Variants in ZNF124 observed in about 807,000 individuals in gnomAD.
ZNF124 encodes zinc finger protein 124.
A neutral mutation model predicts 26.6 loss-of-function variants in ZNF124; 25 were observed. That is an observed-to-expected ratio of 0.94 (90% CI 0.68 to 1.31). The LOEUF is 1.31. ZNF124 is among the 40% of genes most tolerant of loss of function. The pLI is 0.00. For synonymous variants in ZNF124, 129 were observed against 133.3 expected, an observed-to-expected ratio of 0.97 and a Z score of 0.22; for missense variants, 444 against 422.2, an observed-to-expected ratio of 1.05 and a Z score of -0.45.
downstream of ZNF124, among the ~76,000 whole-genome samples, chr1:247,150,951 G>C (rs1195214172): frequency 6.6e-6 from 1 of 151,974 alleles, no homozygotes; most frequent in African/African-American, 2.4e-5. Flanking sequence ...GACTGAGTGA[G>C]AGAGATACCA....
rs1673201586 is a variant in ZNF124 at position 247,157,222 on chromosome 1, GAAT to G, written c.397_399del (p.Ile133del). The G allele has an allele frequency of 1.2e-6, 2 of 1,613,944 alleles. No homozygotes were observed. On this transcript the variant is annotated inframe_deletion, in exon 4 of 4. Transcript: ENST00000543802. ...CTCTGATGTATCTGAAATGAACTGGGAATATTAAAAACTTTCTCACATATTGTA... is the reference window on the plus strand; with the variant it reads ...CTCTGATGTATCTGAAATGAACTGGGATTAAAAACTTTCTCACATATTGTA...
At chr1:247,158,942 A>T in intron 3 of ZNF124, 64 bp downstream of exon 3, 1 of 1,487,298 alleles carries the variant, frequency 6.7e-7, no homozygotes. Flanking sequence ...TTTGCTTTAA[A>T]CATATGATTA....
chr1:247,152,821 A>C (rs1241692891), downstream of ZNF124, among the ~76,000 whole-genome samples: 1 of 152,228 alleles, frequency 6.6e-6, no homozygotes, highest in Non-Finnish European at 1.5e-5. Context: ...ACATATGAGC[A>C]CTGAACAAAC....
chr1:247,164,614 CAG>C (rs1333234445), intron 1 of ZNF124, among the ~76,000 whole-genome samples: 2 of 151,078 alleles, frequency 1.3e-5, no homozygotes, highest in South Asian at 2.1e-4. Context: ...ACAAAACAAA[CAG>C]AGATGATACA....
At chr1:247,161,478 G>T (rs914863271) in intron 1 of ZNF124, among the ~76,000 whole-genome samples, 8 of 151,962 alleles carry the variant, frequency 5.3e-5, no homozygotes, top group African/African-American at 1.7e-4. Flanking sequence ...TCACAGACAA[G>T]GTTTTTTTTG....
intron 1 of ZNF124, among the ~76,000 whole-genome samples, chr1:247,166,843 T>TA (rs1673806551): frequency 6.6e-6 from 1 of 152,204 alleles, no homozygotes; most frequent in South Asian, 2.1e-4. Flanking sequence ...AATCCTCACT[T>TA]AAATACCAAC....
At chr1:247,160,819 A>G (rs755234854) in intron 1 of ZNF124, among the ~76,000 whole-genome samples, 53 of 152,240 alleles carry the variant, frequency 3.5e-4, no homozygotes, top group Non-Finnish European at 7.5e-4. Context: ...GGTTACACAA[A>G]GAGAAAATGT....
intron 1 of ZNF124, among the ~76,000 whole-genome samples, chr1:247,164,163 C>T (rs1673650567): frequency 6.6e-6 from 1 of 152,186 alleles, no homozygotes; most frequent in Non-Finnish European, 1.5e-5. Flanking sequence ...TAAGAGCTAT[C>T]TATGAAAAAC....
intron 1 of ZNF124, among the ~76,000 whole-genome samples, chr1:247,170,335 T>A (rs1674030461): frequency 6.6e-6 from 1 of 150,768 alleles, no homozygotes; most frequent in South Asian, 2.1e-4. Flanking sequence ...ATTAATAATG[T>A]TGTAAATTGG....
chr1:247,151,962 T>C (rs1159251730), downstream of ZNF124, among the ~76,000 whole-genome samples: 3 of 151,916 alleles, frequency 2.0e-5, no homozygotes, highest in Non-Finnish European at 4.4e-5. Context: ...CTGTTAGAGA[T>C]CAATATAGTG....
chr1:247,161,325 G>A (rs1268760486), intron 1 of ZNF124, among the ~76,000 whole-genome samples: 2 of 152,138 alleles, frequency 1.3e-5, no homozygotes, highest in East Asian at 3.8e-4. Context: ...AGTGAAGGAA[G>A]TATCAAGCAC....
intron 1 of ZNF124, among the ~76,000 whole-genome samples, chr1:247,169,562 C>G (rs114008328): frequency 0.017 from 2,560 of 151,608 alleles, 68 homozygotes; most frequent in African/African-American, 0.052. Context: ...CCATCCTGCT[C>G]AGGGAAGTAC....
chr1:247,150,473 A>G (rs563079001), downstream of ZNF124, among the ~76,000 whole-genome samples: 3 of 152,336 alleles, frequency 2.0e-5, no homozygotes, highest in African/African-American at 7.2e-5. Context: ...ATGAAAAAGA[A>G]TTCATTATAT....
chr1:247,159,197 G>A (rs1047404143), intron 2 of ZNF124, 131 bp from the exon 3 acceptor site: 26 of 753,506 alleles, frequency 3.5e-5, no homozygotes, highest in Non-Finnish European at 3.7e-5. Flanking sequence ...CATCAATATG[G>A]CAACATTGTT....
chr1:247,131,480 G>C (rs1313800730), intron 3 of ZNF124, among the ~76,000 whole-genome samples: 2 of 152,320 alleles, frequency 1.3e-5, no homozygotes, highest in African/African-American at 4.8e-5. Context: ...AGCCATTTGA[G>C]TTCCTTGGGG....
intron 3 of ZNF124, among the ~76,000 whole-genome samples, chr1:247,136,136 C>T (rs1672478479): frequency 6.6e-6 from 1 of 152,088 alleles, no homozygotes. Flanking sequence ...GATGACCTCT[C>T]TCACCACTCC....
chr1:247,138,557 C>A (rs1672545607), intron 3 of ZNF124: 2 of 381,982 alleles, frequency 5.2e-6, no homozygotes, highest in Non-Finnish European at 4.6e-6. Context: ...AACAAACTCA[C>A]ATGTTCTACA....
chr1:247,123,913 A>G (rs1160493431), intron 3 of ZNF124: 2 of 701,572 alleles, frequency 2.9e-6, no homozygotes, highest in South Asian at 1.5e-5. Flanking sequence ...AATGGCAGCA[A>G]CTCTTCATCC....
chr1:247,158,672 C>T (rs1338622217), intron 3 of ZNF124, among the ~76,000 whole-genome samples: 2 of 152,014 alleles, frequency 1.3e-5, no homozygotes, highest in East Asian at 1.9e-4. Context: ...TCTTGTTTCC[C>T]TGGCTGGAGT....
Sources: allele counts gnomAD v4.1 joint callset (sites outside exome capture counted in the v4.1 genomes callset), GRCh38; gene constraint gnomAD v4.1.1; transcripts MANE v1.5; gene names NCBI Gene and HGNC (gene_info 2026-07-23, HGNC 2026-07-21).